The following SPAST variants were observed in gnomAD, a reference collection of about 807,000 sequenced individuals.
SPAST encodes the protein spastic paraplegia 4 (autosomal dominant; spastin).
SPAST carries 30 observed loss-of-function variants against 76.6 expected under a neutral mutation model. The ratio of observed to expected loss-of-function variants is 0.39; its 90% CI spans 0.29 to 0.53. The LOEUF is 0.53. Ranked by LOEUF, SPAST falls within the 20% of genes least tolerant of loss-of-function variation. The probability of loss-of-function intolerance (pLI) is 0.68; values close to 1 mark genes in which losing one functional copy is unlikely to be tolerated. For synonymous variants in SPAST, 305 were observed against 281.0 expected, an observed-to-expected ratio of 1.09 and a Z score of -0.86; for missense variants, 717 against 770.5, an observed-to-expected ratio of 0.93 and a Z score of 0.82.
intron 1 of SPAST, among the ~76,000 whole-genome samples, chr2:32,077,487 T>C (rs1677012343): frequency 6.6e-6 from 1 of 152,206 alleles, no homozygotes; most frequent in South Asian, 2.1e-4. Context: ...ATATACCCTA[T>C]TTTATATGAT....
intron 1 of SPAST, among the ~76,000 whole-genome samples, chr2:32,075,836 G>C (rs1278762813): frequency 7.1e-6 from 1 of 140,910 alleles, no homozygotes; most frequent in Non-Finnish European, 1.5e-5. Flanking sequence ...TTACAGGCGT[G>C]AGCCCTGCTC....
chr2:32,098,214 CCTGCA>C, intron 3 of SPAST, among the ~76,000 whole-genome samples: 1 of 151,846 alleles, frequency 6.6e-6, no homozygotes, highest in Non-Finnish European at 1.5e-5. Flanking sequence ...GTCTGTAATC[CCTGCA>C]CTTTGGGAGG....
In SPAST at chr2:32,156,771, A is replaced by G. The variant is rs1471146702; in HGVS notation, c.*2275A>G. The G allele has an allele frequency of 1.3e-5, 2 of 152,196 alleles. No individual in the cohort carries two copies. Among genetic ancestry groups the G allele is most frequent in the African/African-American group, 2.4e-5 (1 of 41,452 alleles). 9.4% of individuals were successfully genotyped at this position (152,196 alleles called of 1,614,324 possible). A position where few individuals can be genotyped will look rare whatever the true frequency, so the allele number is the denominator to read the frequency against. ...TTAAAACTATCATGGTTATAATTCT[A>G]TTGGGAAAGACTTTTAGATAACAAA... On this transcript the variant is annotated 3_prime_UTR_variant, in exon 17 of 17. Transcript: ENST00000315285.
intron 9 of SPAST, among the ~76,000 whole-genome samples, chr2:32,134,291 A>C (rs987512647): frequency 6.6e-6 from 1 of 152,132 alleles, no homozygotes; most frequent in Non-Finnish European, 1.5e-5. Flanking sequence ...TCACAAGGTC[A>C]GGAGTTCGAG....
chr2:32,142,250 A>G (rs1455127735), intron 13 of SPAST, among the ~76,000 whole-genome samples: 1 of 152,156 alleles, frequency 6.6e-6, no homozygotes, highest in Non-Finnish European at 1.5e-5. Flanking sequence ...CAAATGTGGT[A>G]TATTCATTTA....
chr2:32,126,141 T>C (rs934668447), intron 7 of SPAST, among the ~76,000 whole-genome samples: 1 of 152,148 alleles, frequency 6.6e-6, no homozygotes, highest in African/African-American at 2.4e-5. Context: ...TTACTACTGC[T>C]TTCTGTGGTG....
At chr2:32,068,681 A>C (rs546435226) in intron 1 of SPAST, among the ~76,000 whole-genome samples, 56 of 152,218 alleles carry the variant, frequency 3.7e-4, no homozygotes, top group Admixed American at 9.8e-4. Flanking sequence ...ATGCCAAATT[A>C]AATTAGTTCA....
chr2:32,104,610 C>T (rs11893998), intron 4 of SPAST, among the ~76,000 whole-genome samples: 1,919 of 152,222 alleles, frequency 0.013, 23 homozygotes, highest in South Asian at 0.026. Flanking sequence ...TTTCCATGTT[C>T]AGTGCTTCCT....
chr2:32,150,223 C>G (rs1184565278), intron 16 of SPAST, among the ~76,000 whole-genome samples: 2 of 146,186 alleles, frequency 1.4e-5, no homozygotes, highest in Non-Finnish European at 3.0e-5. Context: ...CAGGTGCACG[C>G]CACCACGCCC....
chr2:32,117,332 T>A (rs1678873493), intron 7 of SPAST, among the ~76,000 whole-genome samples: 1 of 152,010 alleles, frequency 6.6e-6, no homozygotes, highest in Non-Finnish European at 1.5e-5. Context: ...AGGCAGGTAG[T>A]GGCCCCTGAC....
chr2:32,070,766 T>C (rs1023772072), intron 1 of SPAST, among the ~76,000 whole-genome samples: 2 of 152,038 alleles, frequency 1.3e-5, no homozygotes, highest in African/African-American at 4.8e-5. Context: ...AGTAGCTGGG[T>C]CTACAGACAT....
intron 3 of SPAST, among the ~76,000 whole-genome samples, chr2:32,093,310 C>CAAAA (rs34291087): frequency 1.6e-5 from 1 of 62,178 alleles, no homozygotes; most frequent in African/African-American, 7.1e-5. Context: ...GACTCCGTCT[C>CAAAA]AAAAAAAAAA....
chr2:32,104,792 T>A (rs550889676), intron 4 of SPAST, among the ~76,000 whole-genome samples: 3 of 152,248 alleles, frequency 2.0e-5, no homozygotes, highest in Non-Finnish European at 4.4e-5. Flanking sequence ...CACTCTCTTC[T>A]GGTTTTTAGA....
At chr2:32,118,169 G>A (rs1179977078) in intron 7 of SPAST, among the ~76,000 whole-genome samples, 1 of 152,128 alleles carries the variant, frequency 6.6e-6, no homozygotes, top group African/African-American at 2.4e-5. Flanking sequence ...TGTGTGGCAC[G>A]TTGTGGTGGG....
At chr2:32,137,215 G>A (rs932913023) in intron 12 of SPAST, 27 bp downstream of exon 12, 1 of 1,478,080 alleles carries the variant, frequency 6.8e-7, no homozygotes, top group South Asian at 1.1e-5. Flanking sequence ...GGAAATACAT[G>A]CATTTATTAC....
At position 32,116,339 on chromosome 2, in the gene SPAST, A is replaced by G. The variant is rs12617290; in HGVS notation, c.1098+127A>G. On this transcript the variant is annotated intron_variant, in intron 7 of 16. Coordinates refer to ENST00000315285, the MANE Select transcript of SPAST (RefSeq NM_014946.4). ...TTCATATAAGGTAACAATAGATTTA[A>G]TGTTTTAAAAAAGATAAAACATTAA... The G allele has an allele frequency of 0.43, 288,179 of 675,260 alleles. 63,511 individuals are homozygous for G. Among genetic ancestry groups the G allele is most frequent in the East Asian group, 0.61 (21,823 of 35,970 alleles). 41.8% of individuals were successfully genotyped at this position (675,260 alleles called of 1,614,324 possible). A position where few individuals can be genotyped will look rare whatever the true frequency, so the allele number is the denominator to read the frequency against.
intron 9 of SPAST, among the ~76,000 whole-genome samples, chr2:32,132,081 A>T (rs1248084931): frequency 6.6e-6 from 1 of 152,172 alleles, no homozygotes. Flanking sequence ...GAATATCTTG[A>T]AGTAAGTTTA....
Position 32,154,654 on chromosome 2 carries a change from CTT to C in SPAST, c.*159_*160del. On this transcript the variant is annotated 3_prime_UTR_variant, in exon 17 of 17. Coordinates refer to ENST00000315285, the MANE Select transcript of SPAST (RefSeq NM_014946.4). ...ACTTGAAGATGAACCAGAAAACAGA[CTT>C]AAACAAAATATACAATGCAAATGTA... is the stretch of plus-strand genomic sequence containing the variant. 1.4e-6 allele frequency: 1 copy of C among 738,916 alleles called. No homozygotes were observed. Among genetic ancestry groups the C allele is most frequent in the Non-Finnish European group, 2.2e-6 (1 of 445,838 alleles). 45.8% of individuals were successfully genotyped at this position (738,916 alleles called of 1,614,324 possible).
chr2:32,147,311 A>ATG, intron 16 of SPAST, 53 bp downstream of exon 16: 3 of 1,065,788 alleles, frequency 2.8e-6, no homozygotes, highest in Non-Finnish European at 4.3e-6. Flanking sequence ...TAAGACATAT[A>ATG]TAAGACATAC....
Sources: allele counts gnomAD v4.1 joint callset (sites outside exome capture counted in the v4.1 genomes callset), GRCh38; gene constraint gnomAD v4.1.1; transcripts MANE v1.5; gene names NCBI Gene and HGNC (gene_info 2026-07-23, HGNC 2026-07-21).